Variants in KLHDC8A observed in about 807,000 individuals in gnomAD.
KLHDC8A encodes kelch domain-containing protein 8A.
KLHDC8A carries 21 observed loss-of-function variants against 33.1 expected under a neutral mutation model. The ratio of observed to expected loss-of-function variants is 0.64; its 90% confidence interval spans 0.45 to 0.91. The LOEUF (loss-of-function observed/expected upper bound fraction) is 0.91, where lower values mean the gene tolerates loss of function less well. Among genes scored for constraint, KLHDC8A ranks in the 40% least tolerant of loss-of-function variants. The pLI, the probability that KLHDC8A is intolerant of heterozygous loss-of-function variation, is 0.00. For missense variants in KLHDC8A, 435 were observed against 483.3 expected, an observed-to-expected ratio of 0.90 and a Z score of 0.94; for synonymous variants, 173 against 193.5, an observed-to-expected ratio of 0.89 and a Z score of 0.88.
chr1:205,353,148 A>G (rs1179762381), intron 1 of KLHDC8A, among the ~76,000 whole-genome samples: 1 of 152,210 alleles, frequency 6.6e-6, no homozygotes, highest in Non-Finnish European at 1.5e-5. Flanking sequence ...TGCAGGGGTC[A>G]GCAAGCTATG....
chr1:205,353,054 C>T (rs1256536246), intron 1 of KLHDC8A, among the ~76,000 whole-genome samples: 1 of 152,184 alleles, frequency 6.6e-6, no homozygotes, highest in African/African-American at 2.4e-5. Flanking sequence ...GATGCCATCT[C>T]CCTGCTTTGG....
In KLHDC8A at chr1:205,343,791, G is replaced by A. The variant is rs554868161; in HGVS notation, c.-187C>T. On this transcript the variant is annotated splice_region_variant and 5_prime_UTR_variant, in exon 2 of 6. Coordinates refer to ENST00000367155, the MANE Select transcript of KLHDC8A (RefSeq NM_018203.3). ...AGCGGTCCGGCGGCGTCCACGCCTG[G>A]CCCTGCGGGGGGAACGCGGTGAATC... 1,207 of 636,656 alleles carry A rather than the reference G, an allele frequency of 1.9e-3. 27 individuals carry two copies. In the South Asian group the frequency reaches 0.027, roughly 14 times the overall value. 39.4% of individuals were successfully genotyped at this position (636,656 alleles called of 1,614,324 possible). A position where few individuals can be genotyped will look rare whatever the true frequency, so the allele number is the denominator to read the frequency against.
chr1:205,337,953 T>C (rs1316913896), intron 5 of KLHDC8A, among the ~76,000 whole-genome samples: 1 of 152,194 alleles, frequency 6.6e-6, no homozygotes, highest in Non-Finnish European at 1.5e-5. Context: ...CCACACTAAG[T>C]AGACTTGGGG....
rs914899447 is a variant in KLHDC8A at position 205,353,432 on chromosome 1, A to C, written c.-190+3101T>G. ...GAGAGCGCATGGCCCGCAAAGCATA[A>C]AATGTTTACTATCTGGCCCTTTACA... On this transcript the variant is annotated intron_variant, in intron 1 of 5. Coordinates refer to ENST00000367155, the MANE Select transcript of KLHDC8A (RefSeq NM_018203.3). Among the ~76,000 whole-genome samples, 4 of 152,308 alleles carry C rather than the reference A, an allele frequency of 2.6e-5. No individual in the cohort carries two copies. In the East Asian group the frequency reaches 7.7e-4, roughly 29 times the overall value.
chr1:205,337,379 G>A lies in KLHDC8A; in HGVS notation c.*20C>T. The A allele has an allele frequency of 6.3e-7, 1 of 1,598,214 alleles. No individual in the cohort carries two copies. The highest frequency in any genetic ancestry group is 8.6e-7 in the Non-Finnish European group (1 of 1,167,132). On this transcript the variant is annotated 3_prime_UTR_variant, in exon 6 of 6. Transcript: ENST00000367155. Reference sequence around the variant, plus strand: ...GTGAAGTGATATGGTCCAGGGCAAAGGTACTGAGCCCAGAGACAGCTAGGA... The same window carrying A: ...GTGAAGTGATATGGTCCAGGGCAAAAGTACTGAGCCCAGAGACAGCTAGGA...
intron 1 of KLHDC8A, among the ~76,000 whole-genome samples, chr1:205,356,187 A>G (rs1663270189): frequency 6.6e-6 from 1 of 151,846 alleles, no homozygotes; most frequent in Non-Finnish European, 1.5e-5. Flanking sequence ...AGAATATGCA[A>G]TATTTGGTTT....
rs531062107 is a variant in KLHDC8A at position 205,337,621 on chromosome 1, C to A, written c.860-29G>T. The A allele has an allele frequency of 8.4e-6, 13 of 1,550,312 alleles. No individual in the cohort carries two copies. The South Asian group carries it at 1.6e-4, about 19-fold the overall frequency. On this transcript the variant is annotated intron_variant, in intron 5 of 5. Transcript: ENST00000367155. Reference sequence around the variant, plus strand: ...AAAGTGTCAAGGGAATCAGACCTTACAAAGGAGTCCAACCACCAATCCATG... The same window carrying A: ...AAAGTGTCAAGGGAATCAGACCTTAAAAAGGAGTCCAACCACCAATCCATG...
rs769979836 is a variant in KLHDC8A at position 205,343,381 on chromosome 1, G to C, written c.224C>G (p.Thr75Ser). ...LPTARAGVAVTALGKRIMVIG... is the reference protein window; with the variant it reads ...LPTARAGVAVSALGKRIMVIG... The stretch of plus-strand genomic sequence containing the variant: ...CACCATGATCCGCTTCCCCAGGGCG[G>C]TGACGGCCACCCCCGCCCGGGCTGT... Residue 75 changes from threonine to serine, a missense_variant, in exon 2 of 6, where the codon ACC becomes AGC. Physicochemically the swap from Thr to Ser is moderately conservative, Grantham distance 58. Coordinates refer to ENST00000367155, the MANE Select transcript of KLHDC8A (RefSeq NM_018203.3). The C allele has an allele frequency of 3.1e-6, 5 of 1,613,650 alleles. No individual in the cohort carries two copies. The Admixed American group carries it at 5.0e-5, about 16-fold the overall frequency.
chr1:205,345,726 G>A (rs1393354785), intron 1 of KLHDC8A, among the ~76,000 whole-genome samples: 2 of 152,110 alleles, frequency 1.3e-5, no homozygotes, highest in Non-Finnish European at 2.9e-5. Flanking sequence ...GGGTGACAGA[G>A]CAAGACTCTG....
At chr1:205,345,660 G>A (rs1169633059) in intron 1 of KLHDC8A, among the ~76,000 whole-genome samples, 1 of 152,208 alleles carries the variant, frequency 6.6e-6, no homozygotes, top group Non-Finnish European at 1.5e-5. Context: ...AGGTTCACCT[G>A]AGCCTGGGAG....
At position 205,339,927 on chromosome 1, in the gene KLHDC8A, GAGTCATA is replaced by G; in HGVS notation, c.377-126_377-120del. On this transcript the variant is annotated intron_variant, in intron 2 of 5. Transcript: ENST00000367155. The surrounding 1 kb of genome is among the most constrained non-coding windows in gnomAD (Gnocchi z 5.1). Reference sequence around the variant, plus strand: ...CTTTCAACCACTGCTCAGCCAGAGTGAGTCATATCTGTATCAGTGTGGTTGATAGCAC... The same window carrying G: ...CTTTCAACCACTGCTCAGCCAGAGTGTCTGTATCAGTGTGGTTGATAGCAC... 1.2e-6 allele frequency: 1 copy of G among 825,202 alleles called. No individual in the cohort carries two copies. Among genetic ancestry groups the G allele is most frequent in the South Asian group, 1.7e-5 (1 of 59,102 alleles). The allele number at this position is 825,202 out of a possible 1,614,324, so 51.1% of individuals were successfully genotyped here.
intron 1 of KLHDC8A, among the ~76,000 whole-genome samples, chr1:205,349,866 C>T (rs1293372226): frequency 2.6e-5 from 4 of 152,144 alleles, no homozygotes; most frequent in South Asian, 2.1e-4. Context: ...CTCCAGCCTA[C>T]GTTTTGTTGT....
chr1:205,351,241 T>C (rs1018907232), intron 1 of KLHDC8A: 11 of 808,284 alleles, frequency 1.4e-5, no homozygotes, highest in Admixed American at 3.4e-5. Context: ...CCGCGGAGTA[T>C]ACACCATGAG....
intron 1 of KLHDC8A, among the ~76,000 whole-genome samples, chr1:205,355,185 G>T (rs1663233192): frequency 1.3e-5 from 2 of 152,222 alleles, no homozygotes; most frequent in South Asian, 4.1e-4. Context: ...TTGTCCTCAA[G>T]ATGCTGGGAG....
chr1:205,352,632 T>A (rs1266193721), intron 1 of KLHDC8A, among the ~76,000 whole-genome samples: 1 of 152,152 alleles, frequency 6.6e-6, no homozygotes, highest in East Asian at 1.9e-4. Context: ...TGTGTATATG[T>A]GTGTCTAAGA....
At position 205,339,881 on chromosome 1, in the gene KLHDC8A, G is replaced by T; in HGVS notation, c.377-73C>A. 1 of 1,418,622 alleles carries T rather than the reference G, an allele frequency of 7.0e-7. No homozygotes were observed. The highest frequency in any genetic ancestry group is 9.7e-7 in the Non-Finnish European group (1 of 1,034,938). 87.9% of individuals were successfully genotyped at this position (1,418,622 alleles called of 1,614,324 possible). On this transcript the variant is annotated intron_variant, in intron 2 of 5. Transcript: ENST00000367155. This position sits in a 1 kb window ranked among gnomAD's most constrained non-coding sequence, Gnocchi z 5.1. ...CAAGACAGGCCCACCAGCATCTATTGCCTCCCATGGCCAGGCCAAGCTTTC... is the reference window on the plus strand; with the variant it reads ...CAAGACAGGCCCACCAGCATCTATTTCCTCCCATGGCCAGGCCAAGCTTTC...
intron 1 of KLHDC8A, among the ~76,000 whole-genome samples, chr1:205,346,005 C>T (rs571881548): frequency 1.6e-4 from 25 of 152,300 alleles, no homozygotes; most frequent in African/African-American, 2.6e-4. Context: ...ACGCGGGAAG[C>T]GGAGGTTTCA....
chr1:205,337,494 A>G lies in KLHDC8A; in HGVS notation c.958T>C (p.Ser320Pro), dbSNP rs1309536144. 6.2e-7 allele frequency: 1 copy of G among 1,614,044 alleles called. No individual in the cohort carries two copies. The highest frequency in any genetic ancestry group is 1.7e-5 in the Admixed American group (1 of 60,026). Reference sequence around the variant, plus strand: ...AGGCAGTTCTTGACGACTATGCTGGAGCAGGCACAGCGGGGTGTGGGCATG... The same window carrying G: ...AGGCAGTTCTTGACGACTATGCTGGGGCAGGCACAGCGGGGTGTGGGCATG... ...PAMPTPRCACSSIVVKNCLLA... is the reference protein window; with the variant it reads ...PAMPTPRCACPSIVVKNCLLA... The change falls in exon 6 of 6, where the codon TCC (serine) becomes CCC (proline). Residue 320 changes from serine (S) to proline (P), a missense_variant. Transcript: ENST00000367155.
intron 1 of KLHDC8A, among the ~76,000 whole-genome samples, chr1:205,355,001 A>T (rs942683653): frequency 6.6e-6 from 1 of 152,246 alleles, no homozygotes; most frequent in Non-Finnish European, 1.5e-5. Flanking sequence ...AAACAAACTC[A>T]GAGAGGTGAA....
Sources: allele counts gnomAD v4.1 joint callset (sites outside exome capture counted in the v4.1 genomes callset), GRCh38; gene constraint gnomAD v4.1.1; non-coding constraint Gnocchi (gnomAD v3.1); transcripts MANE v1.5; gene names NCBI Gene and HGNC (gene_info 2026-07-23, HGNC 2026-07-21).